COL8A1: variants seen among roughly 807,000 people sequenced by gnomAD.
The protein encoded by COL8A1 is collagen alpha-1(VIII) chain.
Under a neutral mutation model 42.7 loss-of-function variants are expected in COL8A1, and 21 were observed. That is an observed-to-expected ratio of 0.49 (90% CI 0.35 to 0.71). The LOEUF is 0.71. Among genes scored for constraint, COL8A1 ranks in the 30% least tolerant of loss-of-function variants. The pLI, the probability that COL8A1 is intolerant of heterozygous loss-of-function variation, is 0.01. For synonymous variants in COL8A1, 367 were observed against 369.1 expected, an observed-to-expected ratio of 0.99 and a Z score of 0.06; for missense variants, 788 against 962.4, an observed-to-expected ratio of 0.82 and a Z score of 2.40.
At chr3:99,670,896 T>G (rs1938522327) in intron 1 of COL8A1, among the ~76,000 whole-genome samples, 1 of 151,936 alleles carries the variant, frequency 6.6e-6, no homozygotes, top group Non-Finnish European at 1.5e-5. Flanking sequence ...GATGGTGTAT[T>G]ATTTGCCTTC....
chr3:99,741,124 G>A, intron 1 of COL8A1, among the ~76,000 whole-genome samples: 1 of 151,898 alleles, frequency 6.6e-6, no homozygotes, highest in Non-Finnish European at 1.5e-5. Flanking sequence ...TTTCATCTTG[G>A]CTGATTTGAT....
chr3:99,699,361 T>C (rs902916537), intron 1 of COL8A1, among the ~76,000 whole-genome samples: 5 of 152,252 alleles, frequency 3.3e-5, no homozygotes, highest in Admixed American at 1.3e-4. Context: ...AGCCTGTCTC[T>C]GCCTTAGTCT....
chr3:99,712,049 C>A (rs35492383), intron 1 of COL8A1, among the ~76,000 whole-genome samples: 11,744 of 152,034 alleles, frequency 0.077, 570 homozygotes, highest in Middle Eastern at 0.11. Flanking sequence ...TGGAAGTGAG[C>A]AAAACAGAAA....
chr3:99,665,083 C>T (rs1375113764), intron 1 of COL8A1, among the ~76,000 whole-genome samples: 1 of 152,194 alleles, frequency 6.6e-6, no homozygotes, highest in Non-Finnish European at 1.5e-5. Context: ...GGGATGTGAG[C>T]TTCTCCATGC....
chr3:99,645,981 G>T (rs1193323415), intron 1 of COL8A1, among the ~76,000 whole-genome samples: 1 of 152,100 alleles, frequency 6.6e-6, no homozygotes, highest in Non-Finnish European at 1.5e-5. Context: ...TAAGGGGAAG[G>T]GAGCTGGGAG....
At chr3:99,722,411 C>T (rs1203708900) in intron 1 of COL8A1, among the ~76,000 whole-genome samples, 1 of 152,120 alleles carries the variant, frequency 6.6e-6, no homozygotes, top group East Asian at 1.9e-4. Context: ...TAAACTTACA[C>T]CCTTTGACAT....
chr3:99,685,183 A>G (rs1939013235), intron 1 of COL8A1, among the ~76,000 whole-genome samples: 3 of 152,224 alleles, frequency 2.0e-5, no homozygotes, highest in African/African-American at 7.2e-5. Flanking sequence ...TGCAAAATAC[A>G]GCATTGGAAG....
chr3:99,666,375 T>G (rs1416465566), intron 1 of COL8A1, among the ~76,000 whole-genome samples: 1 of 152,230 alleles, frequency 6.6e-6, no homozygotes, highest in Non-Finnish European at 1.5e-5. Context: ...TGGCATCGAA[T>G]GCCATCAGAA....
intron 2 of COL8A1, among the ~76,000 whole-genome samples, chr3:99,766,983 G>A (rs747816776): frequency 1.6e-4 from 24 of 151,932 alleles, no homozygotes; most frequent in Non-Finnish European, 3.1e-4. Flanking sequence ...TAGGGGAGGG[G>A]GACTCTCATG....
At chr3:99,690,473 A>C (rs1307398285) in intron 1 of COL8A1, among the ~76,000 whole-genome samples, 2 of 152,178 alleles carry the variant, frequency 1.3e-5, no homozygotes, top group Non-Finnish European at 2.9e-5. Flanking sequence ...GGATATTTTA[A>C]AATGCATTCT....
chr3:99,677,524 C>A (rs967614732), intron 1 of COL8A1, among the ~76,000 whole-genome samples: 13 of 152,066 alleles, frequency 8.5e-5, no homozygotes, highest in Admixed American at 3.9e-4. Flanking sequence ...AGTCCAAAGT[C>A]TCTTAAAGGC....
At chr3:99,703,305 A>G (rs1280202010) in intron 1 of COL8A1, 2 of 152,248 alleles carry the variant, frequency 1.3e-5, no homozygotes, top group African/African-American at 2.4e-5. Context: ...CCCATTTTAC[A>G]GATGACAAAA....
intron 1 of COL8A1, among the ~76,000 whole-genome samples, chr3:99,697,542 G>A (rs1367014783): frequency 2.0e-5 from 3 of 152,162 alleles, no homozygotes; most frequent in African/African-American, 4.8e-5. Flanking sequence ...GCATGTTTTA[G>A]GGAGTTAACT....
At chr3:99,785,417 A>AG (rs1465789468) in intron 2 of COL8A1, among the ~76,000 whole-genome samples, 2 of 152,238 alleles carry the variant, frequency 1.3e-5, no homozygotes, top group African/African-American at 2.4e-5. Context: ...AAAAACAACA[A>AG]GAAAAAAACA....
intron 2 of COL8A1, among the ~76,000 whole-genome samples, chr3:99,770,440 T>C (rs1316426357): frequency 2.0e-5 from 3 of 152,206 alleles, no homozygotes; most frequent in Non-Finnish European, 4.4e-5. Flanking sequence ...TTAAAGAGAT[T>C]CATCTGCATT....
chr3:99,694,760 T>C (rs1939321469), intron 1 of COL8A1, among the ~76,000 whole-genome samples: 1 of 152,240 alleles, frequency 6.6e-6, no homozygotes, highest in African/African-American at 2.4e-5. Context: ...TGCAGGGCTT[T>C]ATTGATAGAT....
At chr3:99,706,196 G>A (rs552457374) in intron 1 of COL8A1, among the ~76,000 whole-genome samples, 1 of 152,300 alleles carries the variant, frequency 6.6e-6, no homozygotes, top group African/African-American at 2.4e-5. Flanking sequence ...ACACAGGTTT[G>A]TGTTTGTGCC....
chr3:99,762,834 T>C (rs574625999), intron 2 of COL8A1, among the ~76,000 whole-genome samples: 28 of 152,152 alleles, frequency 1.8e-4, no homozygotes, highest in Non-Finnish European at 3.4e-4. Flanking sequence ...ATCCTTTGGC[T>C]TCTCACCCCA....
chr3:99,692,502 T>C (rs1300657161), intron 1 of COL8A1, among the ~76,000 whole-genome samples: 1 of 152,202 alleles, frequency 6.6e-6, no homozygotes, highest in South Asian at 2.1e-4. Flanking sequence ...TCACTGACAG[T>C]GACCAAGAAA....
Sources: gnomAD v4.1 joint callset for allele counts (sites outside exome capture counted in the v4.1 genomes callset) on GRCh38, gnomAD v4.1.1 for gene constraint, MANE v1.5 for transcripts, NCBI Gene and HGNC (gene_info 2026-07-23, HGNC 2026-07-21) for gene names.